Variants in CSMD1 observed in about 807,000 individuals in gnomAD.
CSMD1 encodes CUB and Sushi multiple domains 1.
Under a neutral mutation model 417.5 loss-of-function variants are expected in CSMD1, and 213 were observed. The ratio of observed to expected loss-of-function variants is 0.51; its 90% CI spans 0.46 to 0.57. The LOEUF is 0.57. Ranked by LOEUF, CSMD1 falls within the 20% of genes least tolerant of loss-of-function variation. CSMD1 has a pLI of 0.00. For synonymous variants in CSMD1, 2,862 were observed against 1,736.8 expected (o/e 1.65, Z -16.11); for missense variants, 6,923 against 4,529.7 (o/e 1.53, Z -15.17).
chr8:3,922,324 A>C (rs1809334231), intron 5 of CSMD1, among the ~76,000 whole-genome samples: 1 of 152,040 alleles, frequency 6.6e-6, no homozygotes, highest in Non-Finnish European at 1.5e-5. Flanking sequence ...ATTTATGTCA[A>C]TTCAGTCACT....
intron 40 of CSMD1, among the ~76,000 whole-genome samples, chr8:3,143,839 G>A (rs867646556): frequency 1.3e-5 from 2 of 152,152 alleles, no homozygotes; most frequent in Admixed American, 1.3e-4. Context: ...CATTGGAAGT[G>A]CATAAAAATA....
At chr8:4,384,530 A>C (rs991994596) in intron 3 of CSMD1, among the ~76,000 whole-genome samples, 1 of 152,254 alleles carries the variant, frequency 6.6e-6, no homozygotes, top group Non-Finnish European at 1.5e-5. Context: ...ACTTTATTCA[A>C]TACTTTATGA....
chr8:4,915,760 G>A (rs188815562), intron 1 of CSMD1, among the ~76,000 whole-genome samples: 4 of 152,320 alleles, frequency 2.6e-5, no homozygotes, highest in East Asian at 1.9e-4. Flanking sequence ...TTTTCCTGGC[G>A]GGGATTCAAA....
intron 3 of CSMD1, among the ~76,000 whole-genome samples, chr8:4,364,964 A>C (rs1171919356): frequency 2.0e-5 from 3 of 151,826 alleles, no homozygotes; most frequent in Non-Finnish European, 2.9e-5. Context: ...CAAGGGATTT[A>C]ATATGTTTAA....
intron 11 of CSMD1, among the ~76,000 whole-genome samples, chr8:3,491,293 G>T (rs1341023575): frequency 3.9e-5 from 6 of 151,952 alleles, no homozygotes; most frequent in African/African-American, 1.5e-4. Flanking sequence ...TGTGAACTGG[G>T]GTAAATCCTT....
At chr8:4,833,992 C>A (rs1236029582) in intron 1 of CSMD1, among the ~76,000 whole-genome samples, 1 of 152,104 alleles carries the variant, frequency 6.6e-6, no homozygotes, top group Non-Finnish European at 1.5e-5. Context: ...CTCACAGGAC[C>A]CCATTTTTAT....
intron 7 of CSMD1, among the ~76,000 whole-genome samples, chr8:3,687,623 G>A (rs573449880): frequency 2.0e-5 from 3 of 152,190 alleles, no homozygotes; most frequent in Non-Finnish European, 2.9e-5. Context: ...AGTGGGTTCC[G>A]AGCACTGTGC....
At chr8:3,180,259 T>G (rs1174408985) in intron 37 of CSMD1, among the ~76,000 whole-genome samples, 1 of 152,208 alleles carries the variant, frequency 6.6e-6, no homozygotes, top group Non-Finnish European at 1.5e-5. Context: ...ATCAGACTAT[T>G]AACTCTGTCT....
At chr8:4,100,864 A>G (rs760828340) in intron 3 of CSMD1, among the ~76,000 whole-genome samples, 1 of 152,226 alleles carries the variant, frequency 6.6e-6, no homozygotes, top group Non-Finnish European at 1.5e-5. Flanking sequence ...ACTTAAAAAT[A>G]TATGTTAGAA....
At chr8:3,849,007 A>ATG (rs1563142342) in intron 5 of CSMD1, among the ~76,000 whole-genome samples, 1 of 151,454 alleles carries the variant, frequency 6.6e-6, no homozygotes, top group Non-Finnish European at 1.5e-5. Context: ...ACTTTCATAC[A>ATG]GAAGGTTCTC....
At chr8:3,396,132 C>G (rs559256913) in intron 17 of CSMD1, 62 bp downstream of exon 17, 1 of 1,416,780 alleles carries the variant, frequency 7.1e-7, no homozygotes, top group Non-Finnish European at 9.7e-7. Context: ...AATAAGAACC[C>G]AGATCTTTAG....
chr8:4,342,835 G>A (rs1433163836), intron 3 of CSMD1, among the ~76,000 whole-genome samples: 2 of 151,988 alleles, frequency 1.3e-5, no homozygotes, highest in Non-Finnish European at 2.9e-5. Context: ...AGAAAAAGCA[G>A]GAAGTGAGTC....
intron 5 of CSMD1, among the ~76,000 whole-genome samples, chr8:3,833,799 C>T (rs1248221595): frequency 1.3e-5 from 2 of 152,084 alleles, no homozygotes. Flanking sequence ...AAAAGAGAGG[C>T]TCATTAAAGA....
intron 12 of CSMD1, among the ~76,000 whole-genome samples, chr8:3,449,470 A>G (rs948253833): frequency 1.1e-4 from 16 of 151,822 alleles, no homozygotes; most frequent in Non-Finnish European, 2.1e-4. Context: ...TTCTTATGCT[A>G]TATTTTCTCT....
intron 3 of CSMD1, among the ~76,000 whole-genome samples, chr8:4,214,925 T>G (rs1800544416): frequency 6.7e-6 from 1 of 150,156 alleles, no homozygotes; most frequent in Non-Finnish European, 1.5e-5. Context: ...TGTTTTCAGC[T>G]CACTTTTAAT....
At chr8:3,884,237 C>T (rs374404710) in intron 5 of CSMD1, among the ~76,000 whole-genome samples, 41 of 152,250 alleles carry the variant, frequency 2.7e-4, no homozygotes, top group African/African-American at 7.9e-4. Flanking sequence ...TCCTTTGATA[C>T]GCCTCTAATG....
intron 1 of CSMD1, among the ~76,000 whole-genome samples, chr8:4,759,480 C>T (rs978844110): frequency 5.3e-5 from 8 of 152,170 alleles, no homozygotes; most frequent in Non-Finnish European, 8.8e-5. Context: ...GTGTGGCATG[C>T]TGGTTTGCTG....
chr8:3,943,215 TTTTGA>T (rs1413223453), intron 5 of CSMD1, among the ~76,000 whole-genome samples: 2 of 152,086 alleles, frequency 1.3e-5, no homozygotes, highest in South Asian at 2.1e-4. Flanking sequence ...TTATCAACTG[TTTTGA>T]TTTAACCTTT....
intron 5 of CSMD1, among the ~76,000 whole-genome samples, chr8:3,859,374 T>C (rs1260353606): frequency 6.6e-6 from 1 of 152,204 alleles, no homozygotes; most frequent in African/African-American, 2.4e-5. Context: ...AAATACTTCT[T>C]TTTATAAATA....
Sources: gnomAD v4.1 joint callset for allele counts (sites outside exome capture counted in the v4.1 genomes callset) on GRCh38, gnomAD v4.1.1 for gene constraint, MANE v1.5 for transcripts, NCBI Gene and HGNC (gene_info 2026-07-23, HGNC 2026-07-21) for gene names.